ZNF83: variants seen among roughly 807,000 people sequenced by gnomAD.
ZNF83 encodes zinc finger protein 816B.
For missense variants in ZNF83, 552 were observed against 629.9 expected (o/e 0.88, Z 1.32); for synonymous variants, 209 against 213.0 (o/e 0.98, Z 0.17).
chr19:52,634,027 T>A (rs409898), intron 2 of ZNF83, among the ~76,000 whole-genome samples: 2 of 151,228 alleles, frequency 1.3e-5, no homozygotes, highest in African/African-American at 4.9e-5. Context: ...CACAGCACTA[T>A]AGGAGGCTGA....
At chr19:52,638,552 G>A (rs2061234857), upstream of ZNF83, among the ~76,000 whole-genome samples, 1 of 152,230 alleles carries the variant, frequency 6.6e-6, no homozygotes, top group African/African-American at 2.4e-5. Flanking sequence ...GGTTTTGGAG[G>A]CGAGACCGGC....
intron 2 of ZNF83, among the ~76,000 whole-genome samples, chr19:52,625,614 C>CATCT (rs2060709765): frequency 6.6e-6 from 1 of 152,192 alleles, no homozygotes; most frequent in African/African-American, 2.4e-5. Flanking sequence ...ACAGACAAGA[C>CATCT]ATCTATCAAT....
rs755411159 is a variant in ZNF83 at position 52,613,616 on chromosome 19, A to G, written c.949T>C (p.Tyr317His). 6.8e-6 allele frequency: 11 copies of G among 1,613,296 alleles called. No individual in the cohort carries two copies. Among genetic ancestry groups the G allele is most frequent in the Non-Finnish European group, 9.3e-6 (11 of 1,179,904 alleles). Reference sequence around the variant, plus strand: ...ACCTTGCCACACTCATTACATTTGTAAGGTTTCTCTCCAGTATGAATTCTC... The same window carrying G: ...ACCTTGCCACACTCATTACATTTGTGAGGTTTCTCTCCAGTATGAATTCTC... The change falls in exon 3 of 3, where the codon TAC becomes CAC. Residue 317 changes from tyrosine to histidine, a missense_variant. By Grantham distance (83) the Tyr-to-His change is moderately conservative. Coordinates refer to ENST00000301096, the Ensembl canonical transcript of ZNF83.
chr19:52,688,211 A>G lies in ZNF83; in HGVS notation c.-283+2232T>C, dbSNP rs552008194. Among the ~76,000 whole-genome samples the G allele has an allele frequency of 9.2e-5, 14 of 152,054 alleles. No individual in the cohort carries two copies. The South Asian group carries it at 2.9e-3, about 32-fold the overall frequency. ...TTGGTAACAGGGTCTCACTCTGTTGACCAGGCTGCAGTGCAGTGGCATGAT... is the reference window on the plus strand; with the variant it reads ...TTGGTAACAGGGTCTCACTCTGTTGGCCAGGCTGCAGTGCAGTGGCATGAT... On this transcript the variant is annotated intron_variant, in intron 1 of 5. Transcript: ENST00000594682.
At chr19:52,664,453 G>A (rs1475478156) in intron 1 of ZNF83, among the ~76,000 whole-genome samples, 1 of 152,036 alleles carries the variant, frequency 6.6e-6, no homozygotes, top group Non-Finnish European at 1.5e-5. Flanking sequence ...CTCTGATCCT[G>A]TAACAGCTCT....
At chr19:52,639,602 C>T (rs763803725), upstream of ZNF83, among the ~76,000 whole-genome samples, 14 of 151,512 alleles carry the variant, frequency 9.2e-5, no homozygotes, top group Non-Finnish European at 2.1e-4. Context: ...ATTTTCGATA[C>T]AAACGAGGTT....
At position 52,652,073 on chromosome 19, in the gene ZNF83, C is replaced by T. The variant is rs2061448782; in HGVS notation, c.-74+3488G>A. The T allele has an allele frequency of 2.1e-5, 5 of 241,924 alleles. No individual in the cohort carries two copies. The East Asian group carries it at 7.7e-4, about 37-fold the overall frequency. 15.0% of individuals were successfully genotyped at this position (241,924 alleles called of 1,614,324 possible). On this transcript the variant is annotated intron_variant, in intron 3 of 5. Coordinates refer to the ZNF83 transcript ENST00000594682. ...TGACCTCAGACTAAAGACATTGCCA[C>T]ACCTATTCCATTTGTAAGATTTCTG...
chr19:52,655,306 C>G (rs190955589), intron 3 of ZNF83: 5 of 347,056 alleles, frequency 1.4e-5, no homozygotes, highest in African/African-American at 1.1e-4. Flanking sequence ...CCAGGGGCAT[C>G]TCTGCTTAGA....
chr19:52,621,070 A>G lies in ZNF83; in HGVS notation c.-233-6273T>C, dbSNP rs934398047. ...TAAAATAAACAGCCTTGTTGCTCAC[A>G]CAAAACCTGTTTGGTGGTCTCTTCA... On this transcript the variant is annotated intron_variant, in intron 2 of 2. Transcript: ENST00000301096. Among the ~76,000 whole-genome samples the G allele has an allele frequency of 2.0e-5, 3 of 152,246 alleles. No individual in the cohort carries two copies. The South Asian group carries it at 6.2e-4, about 32-fold the overall frequency.
At position 52,614,909 on chromosome 19, in the gene ZNF83, T is replaced by A. The variant is rs1414259472; in HGVS notation, c.-233-112A>T. 7 of 1,017,342 alleles carry A rather than the reference T, an allele frequency of 6.9e-6. No homozygotes were observed. In the African/African-American group the frequency reaches 1.0e-4, roughly 14 times the overall value. 63.0% of individuals were successfully genotyped at this position (1,017,342 alleles called of 1,614,324 possible). ...GAGTAATACTTATGTTAAAGAAAGT[T>A]ATAAAACTCCCATTCATGATTTTTA... On this transcript the variant is annotated intron_variant, in intron 2 of 2. Transcript: ENST00000301096.
In ZNF83 at chr19:52,637,441, C is replaced by T. The variant is rs372233305; in HGVS notation, c.-322+871G>A. 3.1e-3 allele frequency among the ~76,000 whole-genome samples: 466 copies of T among 152,284 alleles called. 2 individuals carry two copies. Among genetic ancestry groups the T allele is most frequent in the Non-Finnish European group, 5.5e-3 (373 of 68,032 alleles). On this transcript the variant is annotated intron_variant, in intron 1 of 2. Coordinates refer to ENST00000301096, the Ensembl canonical transcript of ZNF83. The stretch of plus-strand genomic sequence containing the variant: ...CTCTGATGAGATTCCCTCTTTGCTG[C>T]CCCTCTCCCTACCTTGCTGTCCTTC...
chr19:52,663,910 C>T (rs920236944), intron 1 of ZNF83, among the ~76,000 whole-genome samples: 3 of 152,282 alleles, frequency 2.0e-5, no homozygotes, highest in South Asian at 2.1e-4. Context: ...TTTATTGAGA[C>T]GGAGTCTCGC....
At chr19:52,675,319 C>T (rs572178544) in intron 1 of ZNF83, among the ~76,000 whole-genome samples, 3 of 152,158 alleles carry the variant, frequency 2.0e-5, no homozygotes, top group East Asian at 3.8e-4. Flanking sequence ...AAGGATCCCA[C>T]GACATGTACT....
At chr19:52,652,305 G>A in intron 3 of ZNF83, 1 of 246,168 alleles carries the variant, frequency 4.1e-6, no homozygotes, top group Non-Finnish European at 8.0e-6. Context: ...GCTTGGTGGA[G>A]CATGCTTGTA....
chr19:52,660,228 G>C (rs2061561827), intron 2 of ZNF83, among the ~76,000 whole-genome samples: 1 of 152,130 alleles, frequency 6.6e-6, no homozygotes, highest in Non-Finnish European at 1.5e-5. Context: ...GCTGGGGGTA[G>C]GGATGGAATC....
chr19:52,683,849 C>T (rs542953510), intron 1 of ZNF83, among the ~76,000 whole-genome samples: 6 of 152,256 alleles, frequency 3.9e-5, no homozygotes, highest in Non-Finnish European at 7.4e-5. Flanking sequence ...ACTGCAACCC[C>T]AGAGTAGGTG....
chr19:52,652,703 CT>C, intron 3 of ZNF83: 3 of 652,452 alleles, frequency 4.6e-6, no homozygotes, highest in Non-Finnish European at 8.3e-6. Context: ...TTACTGAGGA[CT>C]TTGTGAGAAT....
intron 2 of ZNF83, among the ~76,000 whole-genome samples, chr19:52,623,700 C>T (rs983187508): frequency 6.6e-5 from 10 of 152,036 alleles, no homozygotes; most frequent in Non-Finnish European, 1.3e-4. Context: ...ACCTAATCAC[C>T]CTTACCCTGC....
chr19:52,649,236 C>CAATAT (rs1392494516), intron 3 of ZNF83, among the ~76,000 whole-genome samples: 1 of 152,152 alleles, frequency 6.6e-6, no homozygotes, highest in African/African-American at 2.4e-5. Flanking sequence ...ATTGAAATCC[C>CAATAT]CCACGTGAGT....
Sources: gnomAD v4.1 joint callset for allele counts (sites outside exome capture counted in the v4.1 genomes callset) on GRCh38, gnomAD v4.1.1 for gene constraint, MANE v1.5 for transcripts, NCBI Gene and HGNC (gene_info 2026-07-23, HGNC 2026-07-21) for gene names.